Variants in CACNA1B observed in about 807,000 individuals in gnomAD.
CACNA1B encodes voltage-dependent N-type calcium channel subunit alpha-1B.
In CACNA1B, 70 loss-of-function variants were observed where a neutral mutation model predicts 247.2. The ratio of observed to expected loss-of-function variants is 0.28; its 90% CI spans 0.23 to 0.35. CACNA1B has a LOEUF of 0.35. Among genes scored for constraint, CACNA1B ranks in the 10% least tolerant of loss-of-function variants. The pLI is 1.00. For synonymous variants in CACNA1B, 1,231 were observed against 1,294.4 expected (o/e 0.95, Z 1.05); for missense variants, 2,367 against 3,197.4 (o/e 0.74, Z 6.26).
At chr9:138,022,867 C>G in intron 18 of CACNA1B, 144 bp from the exon 19 acceptor site, 1 of 1,120,110 alleles carries the variant, frequency 8.9e-7, no homozygotes, top group Non-Finnish European at 1.2e-6. Flanking sequence ...TGATCCGCGT[C>G]CCCCGAGGGG....
At chr9:137,980,373 C>A (rs910173620) in intron 12 of CACNA1B, among the ~76,000 whole-genome samples, 3 of 152,210 alleles carry the variant, frequency 2.0e-5, no homozygotes, top group African/African-American at 7.2e-5. Flanking sequence ...GTGTGAGGCA[C>A]CCTCAATCTC....
At chr9:137,879,820 C>G (rs1956892098) in intron 2 of CACNA1B, among the ~76,000 whole-genome samples, 1 of 152,154 alleles carries the variant, frequency 6.6e-6, no homozygotes, top group African/African-American at 2.4e-5. Context: ...CCTGTGGGGT[C>G]TCTGGAGGGG....
At chr9:138,038,705 TC>T (rs1229373306) in intron 20 of CACNA1B, among the ~76,000 whole-genome samples, 1 of 152,230 alleles carries the variant, frequency 6.6e-6, no homozygotes, top group African/African-American at 2.4e-5. Flanking sequence ...TTGCTCGGCT[TC>T]TTTACCTCCC....
chr9:137,984,506 A>C (rs979066874), intron 13 of CACNA1B, among the ~76,000 whole-genome samples: 1 of 152,292 alleles, frequency 6.6e-6, no homozygotes, highest in African/African-American at 2.4e-5. Flanking sequence ...ACGATTTCCC[A>C]TCGTCTCCTG....
intron 36 of CACNA1B, among the ~76,000 whole-genome samples, chr9:138,094,697 A>G (rs1961001583): frequency 6.6e-6 from 1 of 152,200 alleles, no homozygotes; most frequent in Non-Finnish European, 1.5e-5. Flanking sequence ...CTAGAAAGCT[A>G]CAGTTATCAA....
chr9:137,910,804 C>G (rs1003956837), intron 3 of CACNA1B, among the ~76,000 whole-genome samples: 3 of 152,150 alleles, frequency 2.0e-5, no homozygotes, highest in African/African-American at 7.2e-5. Flanking sequence ...TGGCCTGATT[C>G]CTAACAGGCC....
intron 3 of CACNA1B, among the ~76,000 whole-genome samples, chr9:137,895,867 G>T (rs2133251137): frequency 6.6e-6 from 1 of 152,294 alleles, no homozygotes; most frequent in East Asian, 1.9e-4. Flanking sequence ...GTACTGTGTT[G>T]AAGAGTGGTG....
chr9:138,081,302 G>A (rs935137176), intron 36 of CACNA1B, among the ~76,000 whole-genome samples: 4 of 152,208 alleles, frequency 2.6e-5, no homozygotes, highest in Admixed American at 6.5e-5. Context: ...AGGGTATTTC[G>A]TGGCCACTGT....
chr9:138,058,764 G>A lies in CACNA1B; in HGVS notation c.4473+31G>A, dbSNP rs1364938789. 3 of 1,565,856 alleles carry A rather than the reference G, an allele frequency of 1.9e-6. No individual in the cohort carries two copies. Among genetic ancestry groups the A allele is most frequent in the South Asian group, 2.3e-5 (2 of 85,790 alleles). Reference sequence around the variant, plus strand: ...TGGGGCTCAGCGCAGAGGGGCAGCTGGCGCTGCTAGGGATTGGGATCTAAC... The same window carrying A: ...TGGGGCTCAGCGCAGAGGGGCAGCTAGCGCTGCTAGGGATTGGGATCTAAC... On this transcript the variant is annotated intron_variant, in intron 29 of 46. Coordinates refer to ENST00000371372, the MANE Select transcript of CACNA1B (RefSeq NM_000718.4). This position sits in a 1 kb window ranked among gnomAD's most constrained non-coding sequence, Gnocchi z 4.7.
intron 34 of CACNA1B, among the ~76,000 whole-genome samples, chr9:138,074,767 G>A (rs1218259941): frequency 1.3e-5 from 2 of 152,352 alleles, no homozygotes; most frequent in East Asian, 1.9e-4. Context: ...TGGCTGTGTG[G>A]TGGAGGCGCG....
At chr9:138,103,902 C>T (rs1231194220) in intron 38 of CACNA1B, among the ~76,000 whole-genome samples, 1 of 152,266 alleles carries the variant, frequency 6.6e-6, no homozygotes, top group African/African-American at 2.4e-5. Context: ...AGCCAAGTGG[C>T]TCCTCCAAGC....
chr9:138,115,492 C>T, intron 41 of CACNA1B, 60 bp from the exon 42 acceptor site: 1 of 1,569,572 alleles, frequency 6.4e-7, no homozygotes, highest in South Asian at 1.2e-5. Flanking sequence ...CAGAGCAGGT[C>T]ACAGAGGCCA....
Position 137,957,806 on chromosome 9 carries a change from G to C in CACNA1B, c.1333+119G>C. The C allele has an allele frequency of 1.6e-6, 1 of 616,514 alleles. No individual in the cohort carries two copies. The highest frequency in any genetic ancestry group is 2.8e-6 in the Non-Finnish European group (1 of 362,744). 38.2% of individuals were successfully genotyped at this position (616,514 alleles called of 1,614,324 possible). Reference sequence around the variant, plus strand: ...CCCCTTCTTGCCCAAACGCCTGCAGGCTCCTTTCAGACAGTTTGCTGCTCC... The same window carrying C: ...CCCCTTCTTGCCCAAACGCCTGCAGCCTCCTTTCAGACAGTTTGCTGCTCC... On this transcript the variant is annotated intron_variant, in intron 10 of 46. Coordinates refer to ENST00000371372, the MANE Select transcript of CACNA1B (RefSeq NM_000718.4). The surrounding 1 kb of genome is among the most constrained non-coding windows in gnomAD (Gnocchi z 4.7).
At chr9:138,082,237 T>C (rs1466973650) in intron 36 of CACNA1B, among the ~76,000 whole-genome samples, 1 of 151,430 alleles carries the variant, frequency 6.6e-6, no homozygotes, top group Non-Finnish European at 1.5e-5. Context: ...ATTTGTAAAT[T>C]ACATTTCTGA....
chr9:138,047,181 C>T, intron 22 of CACNA1B, 148 bp downstream of exon 22: 6 of 835,762 alleles, frequency 7.2e-6, no homozygotes, highest in East Asian at 2.7e-5. Flanking sequence ...TGGCAGTGCA[C>T]GACCAAAGGT....
intron 19 of CACNA1B, among the ~76,000 whole-genome samples, chr9:138,024,420 G>A (rs572364760): frequency 2.8e-4 from 42 of 152,326 alleles, no homozygotes; most frequent in Admixed American, 2.6e-3. Flanking sequence ...TGCCGCTGGA[G>A]GCCCCAGCCC....
chr9:137,897,050 T>C (rs946042852), intron 3 of CACNA1B, among the ~76,000 whole-genome samples: 1 of 152,208 alleles, frequency 6.6e-6, no homozygotes, highest in African/African-American at 2.4e-5. Context: ...TCAGTCTTGC[T>C]GGAAATTTGT....
chr9:137,882,632 C>T lies in CACNA1B; in HGVS notation c.391-112C>T. The T allele has an allele frequency of 7.9e-7, 1 of 1,266,880 alleles. No individual in the cohort carries two copies. Among genetic ancestry groups the T allele is most frequent in the Non-Finnish European group, 1.1e-6 (1 of 894,406 alleles). The allele number at this position is 1,266,880 out of a possible 1,614,324, so 78.5% of individuals were successfully genotyped here. On this transcript the variant is annotated intron_variant, in intron 2 of 46. Coordinates refer to ENST00000371372, the MANE Select transcript of CACNA1B (RefSeq NM_000718.4). This position sits in a 1 kb window ranked among gnomAD's most constrained non-coding sequence, Gnocchi z 4.0. ...GGGGCAAGGTGAGGAGGGTCAGACC[C>T]TCACGATAGCTGTGGCCTGCACATG...
chr9:138,023,899 G>A, intron 19 of CACNA1B, 88 bp downstream of exon 19: 8 of 682,340 alleles, frequency 1.2e-5, no homozygotes, highest in South Asian at 1.0e-4. Context: ...TGGGGTCCAC[G>A]GCGGAGGCTG....
Sources: allele counts gnomAD v4.1 joint callset (sites outside exome capture counted in the v4.1 genomes callset), GRCh38; gene constraint gnomAD v4.1.1; non-coding constraint Gnocchi (gnomAD v3.1); transcripts MANE v1.5; gene names NCBI Gene and HGNC (gene_info 2026-07-23, HGNC 2026-07-21).